The following PRKAR1A variants were observed in gnomAD, a reference collection of about 807,000 sequenced individuals.
PRKAR1A encodes protein kinase cAMP-dependent type I regulatory subunit alpha.
PRKAR1A carries 3 observed loss-of-function variants against 52.0 expected under a neutral mutation model. The observed-to-expected ratio is 0.06, with a 90% CI of 0.03 to 0.15. The LOEUF (loss-of-function observed/expected upper bound fraction) is 0.15. Among genes scored for constraint, PRKAR1A ranks in the 10% least tolerant of loss-of-function variants. The pLI is 1.00. For missense variants in PRKAR1A, 240 were observed against 477.4 expected (o/e 0.50, Z 4.63); for synonymous variants, 188 against 168.4 (o/e 1.12, Z -0.90).
chr17:68,530,908 G>A lies in PRKAR1A; in HGVS notation c.*459G>A. On this transcript the variant is annotated 3_prime_UTR_variant, in exon 11 of 11. Coordinates refer to ENST00000589228, the MANE Select transcript of PRKAR1A (RefSeq NM_002734.5). The stretch of plus-strand genomic sequence containing the variant: ...TTTCTCATTAAACTCTAAAGATTAG[G>A]GAAAATGGATATAGAAAATCTTAGT... The A allele has an allele frequency of 9.0e-7, 1 of 1,112,492 alleles. No individual in the cohort carries two copies. The highest frequency in any genetic ancestry group is 1.1e-6 in the Non-Finnish European group (1 of 906,284). 68.9% of individuals were successfully genotyped at this position (1,112,492 alleles called of 1,614,324 possible). A position where few individuals can be genotyped will look rare whatever the true frequency, so the allele number is the denominator to read the frequency against.
chr17:68,442,014 C>T, the PRKAR1A span, among the ~76,000 whole-genome samples: 6 of 152,132 alleles, frequency 3.9e-5, no homozygotes, highest in Admixed American at 2.0e-4. Flanking sequence ...GAGATAAAAT[C>T]GATTCCCTTT....
chr17:68,542,215 A>G (rs2086331080), intron 11 of PRKAR1A: 3 of 1,599,034 alleles, frequency 1.9e-6, no homozygotes, highest in Non-Finnish European at 2.6e-6. Flanking sequence ...CTCTGGAGGC[A>G]TGACATCTTC....
chr17:68,541,593 TC>T (rs1363102928), intron 11 of PRKAR1A: 2 of 195,194 alleles, frequency 1.0e-5, no homozygotes, highest in African/African-American at 2.3e-5. Context: ...GTCCTTGGTC[TC>T]CCAGGGCTTG....
the PRKAR1A span, among the ~76,000 whole-genome samples, chr17:68,476,731 C>G: frequency 6.6e-6 from 1 of 151,866 alleles, no homozygotes; most frequent in African/African-American, 2.4e-5. Flanking sequence ...GAGGCAATCT[C>G]GGCTCACTGC....
chr17:68,442,464 C>CA, the PRKAR1A span, among the ~76,000 whole-genome samples: 2,889 of 62,416 alleles, frequency 0.046, 45 homozygotes, highest in Admixed American at 0.1. Flanking sequence ...GACTGTGTCT[C>CA]AAAAAAAAAA....
At chr17:68,518,904 T>A (rs2085515522) in intron 2 of PRKAR1A, among the ~76,000 whole-genome samples, 1 of 152,240 alleles carries the variant, frequency 6.6e-6, no homozygotes. Flanking sequence ...AAGTTCAAAG[T>A]TCCACAGATT....
At chr17:68,502,923 A>G in the PRKAR1A span, among the ~76,000 whole-genome samples, 1 of 152,088 alleles carries the variant, frequency 6.6e-6, no homozygotes, top group Admixed American at 6.6e-5. Context: ...GGACTTGATC[A>G]TACAAGTTAG....
At chr17:68,453,085 G>T in the PRKAR1A span, 4 of 988,968 alleles carry the variant, frequency 4.0e-6, no homozygotes, top group Admixed American at 1.9e-5. Context: ...TAGCCTCAGG[G>T]GTACAGTAAA....
chr17:68,428,795 C>T, the PRKAR1A span: 12 of 1,547,684 alleles, frequency 7.8e-6, no homozygotes, highest in Non-Finnish European at 9.8e-6. Context: ...GACCAGCTCT[C>T]GAAAGGCTGT....
chr17:68,428,987 G>T, the PRKAR1A span: 2 of 1,420,598 alleles, frequency 1.4e-6, no homozygotes, highest in Non-Finnish European at 2.0e-6. Context: ...ATGGGCGATG[G>T]ATTCGCTTCC....
At chr17:68,506,200 C>T in the PRKAR1A span, among the ~76,000 whole-genome samples, 2 of 151,806 alleles carry the variant, frequency 1.3e-5, no homozygotes. Context: ...CCACTGATCA[C>T]TCTTCCAGCC....
the PRKAR1A span, among the ~76,000 whole-genome samples, chr17:68,484,099 T>C: frequency 5.3e-5 from 8 of 152,216 alleles, no homozygotes; most frequent in African/African-American, 1.7e-4. Flanking sequence ...AGCTTGTCAA[T>C]GTCTACAAAA....
At chr17:68,540,779 C>G (rs150919007) in intron 11 of PRKAR1A, 52 of 1,543,334 alleles carry the variant, frequency 3.4e-5, no homozygotes, top group Non-Finnish European at 4.6e-5. Flanking sequence ...AGTTTGTGCT[C>G]AAGGTCACGG....
rs997452932 is a variant in PRKAR1A, at chr17:68,540,796, C to T, written c.974-10288C>T. ...TTTGTGCTCAAGGTCACGGGGAACC[C>T]TAGCCACATAGCAGAGCCCACTTCT... On this transcript the variant is annotated intron_variant, in intron 11 of 11. Transcript: ENST00000585981. 6.1e-5 allele frequency: 95 copies of T among 1,555,312 alleles called. No individual in the cohort carries two copies. In the Middle Eastern group the frequency reaches 8.9e-4, roughly 15 times the overall value.
the PRKAR1A span, chr17:68,420,429 C>A: frequency 1.2e-6 from 2 of 1,614,110 alleles, no homozygotes; most frequent in Non-Finnish European, 8.5e-7. Flanking sequence ...TGCTGTAATC[C>A]CTACCAAATT....
rs2143404033 is a variant in PRKAR1A at position 68,531,953 on chromosome 17, ACT to A, written c.*1507_*1508del. ...TTTTCCATCTGTGTGCAACTAACTG[ACT>A]CTGTTATTGATCCCTTCTCCTGCCC... On this transcript the variant is annotated 3_prime_UTR_variant, in exon 11 of 11. Coordinates refer to ENST00000589228, the MANE Select transcript of PRKAR1A (RefSeq NM_002734.5). 7 of 1,065,712 alleles carry A rather than the reference ACT, an allele frequency of 6.6e-6. No individual in the cohort carries two copies. Among genetic ancestry groups the A allele is most frequent in the East Asian group, 1.0e-4 (2 of 20,024 alleles). 66.0% of individuals were successfully genotyped at this position (1,065,712 alleles called of 1,614,324 possible). A position where few individuals can be genotyped will look rare whatever the true frequency, so the allele number is the denominator to read the frequency against.
downstream of PRKAR1A, chr17:68,536,385 A>G (rs1209677250): frequency 6.6e-6 from 3 of 454,016 alleles, no homozygotes; most frequent in African/African-American, 6.0e-5. Context: ...TAATTATGGA[A>G]TAAGAAACAA....
chr17:68,443,376 G>A, the PRKAR1A span, among the ~76,000 whole-genome samples: 1 of 152,140 alleles, frequency 6.6e-6, no homozygotes, highest in Admixed American at 6.6e-5. Flanking sequence ...GCCTCCCAAT[G>A]TGCTGCGATT....
At chr17:68,515,764 T>C (rs1253398055) in intron 2 of PRKAR1A, 188 bp downstream of exon 2, 1 of 739,814 alleles carries the variant, frequency 1.4e-6, no homozygotes, top group Non-Finnish European at 2.1e-6. Flanking sequence ...TAGTAGAATT[T>C]ATCAGAAAAA....
Sources: allele counts gnomAD v4.1 joint callset (sites outside exome capture counted in the v4.1 genomes callset), GRCh38; gene constraint gnomAD v4.1.1; transcripts MANE v1.5; gene names NCBI Gene and HGNC (gene_info 2026-07-23, HGNC 2026-07-21).